Variants in DOP1B observed in about 807,000 individuals in gnomAD.
DOP1B encodes the protein DOP1 leucine zipper like protein B, also known as protein DOP1B.
DOP1B carries 174 observed loss-of-function variants against 233.5 expected under a neutral mutation model. The ratio of observed to expected loss-of-function variants is 0.75; its 90% CI spans 0.66 to 0.85. DOP1B has a LOEUF of 0.85. Among genes scored for constraint, DOP1B ranks in the 40% least tolerant of loss-of-function variants. The pLI is 0.00. For missense variants in DOP1B, 2,652 were observed against 2,846.6 expected, an observed-to-expected ratio of 0.93 and a Z score of 1.56; for synonymous variants, 1,190 against 1,185.6, an observed-to-expected ratio of 1.00 and a Z score of -0.08.
In DOP1B at chr21:36,292,189, C is replaced by A; in HGVS notation, c.6601C>A (p.Pro2201Thr). The A allele has an allele frequency of 6.2e-7, 1 of 1,611,966 alleles. No individual in the cohort carries two copies. The highest frequency in any genetic ancestry group is 8.5e-7 in the Non-Finnish European group (1 of 1,179,226). Residue 2201 changes from proline (P) to threonine (T), a missense_variant, in exon 36 of 37, where the codon CCC becomes ACC. Coordinates refer to ENST00000691173, the MANE Select transcript of DOP1B (RefSeq NM_001320714.2). Reference protein sequence around the residue: ...DVEENHQECKPHTVRILELLK... With the variant: ...DVEENHQECKTHTVRILELLK... ...AGAGGAGAATCACCAAGAATGCAAA[C>A]CCCACACTGTCAGGATTCTAGAACT...
chr21:36,177,469 C>A (rs1323875839), intron 2 of DOP1B, among the ~76,000 whole-genome samples: 4 of 152,098 alleles, frequency 2.6e-5, no homozygotes, highest in African/African-American at 9.7e-5. Flanking sequence ...TGGAGGTAGT[C>A]CAGATTTAGA....
chr21:36,268,009 C>CT (rs1195715974), intron 26 of DOP1B, among the ~76,000 whole-genome samples: 2 of 152,240 alleles, frequency 1.3e-5, no homozygotes, highest in Middle Eastern at 3.4e-3. Context: ...TGATAAGGGT[C>CT]TATGTTCAGC....
intron 27 of DOP1B, 60 bp from the exon 28 acceptor site, chr21:36,276,961 G>A: frequency 2.6e-6 from 4 of 1,559,682 alleles, no homozygotes; most frequent in Non-Finnish European, 3.5e-6. Context: ...GGCTTTTGGG[G>A]ACAGTAAATG....
chr21:36,189,193 A>G (rs1049682419), intron 2 of DOP1B, among the ~76,000 whole-genome samples: 3 of 152,162 alleles, frequency 2.0e-5, no homozygotes, highest in Non-Finnish European at 4.4e-5. Flanking sequence ...CCTGATTTCT[A>G]TTAAGCTTGG....
At chr21:36,198,019 C>CAAAAA in intron 2 of DOP1B, among the ~76,000 whole-genome samples, 1 of 108,422 alleles carries the variant, frequency 9.2e-6, no homozygotes, top group South Asian at 3.1e-4. Flanking sequence ...GACTCCGTCT[C>CAAAAA]AAAAAAAAAA....
Position 36,230,461 on chromosome 21 carries a change from A to G in DOP1B, c.1677A>G (p.Lys559=). ...ESTSGTSSPV[K]GENGKIILET... ...TTTATTTTTTACAGAGTCCAGTAAA[A>G]GGTGAAAACGGCAAAATAATTTTGG... Residue 559 remains lysine (K), a synonymous_variant, in exon 14 of 37, where the codon AAA becomes AAG. Transcript: ENST00000691173. 6.2e-7 allele frequency: 1 copy of G among 1,607,788 alleles called. No individual in the cohort carries two copies. Among genetic ancestry groups the G allele is most frequent in the Non-Finnish European group, 8.5e-7 (1 of 1,174,770 alleles).
rs1377619992 is a variant in DOP1B at position 36,211,563 on chromosome 21, T to G, written c.692T>G (p.Leu231Trp). Residue 231 changes from leucine to tryptophan, a missense_variant, in exon 6 of 37, where the codon TTG becomes TGG. Around this residue, in one of 3 missense-constraint regions of DOP1B, gnomAD observed 2,617 missense variants for 2,794.3 expected, o/e 0.94. Coordinates refer to ENST00000691173, the MANE Select transcript of DOP1B (RefSeq NM_001320714.2). ...GTNHQLTVKS[L>W]RASLLDSNVL... ...TTTGATCGTTTACAGGTGAAGTCTT[T>G]GCGTGCCTCCCTGTTGGACTCAAAT... The G allele has an allele frequency of 6.2e-7, 1 of 1,614,108 alleles. No homozygotes were observed. Among genetic ancestry groups the G allele is most frequent in the Non-Finnish European group, 8.5e-7 (1 of 1,180,040 alleles).
At chr21:36,175,549 A>G (rs995795146) in intron 2 of DOP1B, among the ~76,000 whole-genome samples, 1 of 150,786 alleles carries the variant, frequency 6.6e-6, no homozygotes, top group South Asian at 2.2e-4. Flanking sequence ...CCCTTGGCCT[A>G]TGGGAGGCCA....
chr21:36,181,575 G>T (rs565235972), intron 2 of DOP1B, among the ~76,000 whole-genome samples: 1 of 152,238 alleles, frequency 6.6e-6, no homozygotes, highest in South Asian at 2.1e-4. Context: ...CACCACGCCC[G>T]GCCCAGGACT....
chr21:36,234,832 C>T (rs1027022875), intron 15 of DOP1B, among the ~76,000 whole-genome samples: 3 of 151,548 alleles, frequency 2.0e-5, no homozygotes, highest in Non-Finnish European at 4.4e-5. Flanking sequence ...CCACCGCACC[C>T]GGCCAAGAGC....
intron 18 of DOP1B, among the ~76,000 whole-genome samples, chr21:36,240,793 T>C (rs2066884307): frequency 6.6e-6 from 1 of 152,258 alleles, no homozygotes; most frequent in Non-Finnish European, 1.5e-5. Context: ...ACAATAGCTG[T>C]ATTTAATGAC....
chr21:36,211,775 G>T, intron 6 of DOP1B, 124 bp downstream of exon 6: 1 of 1,303,678 alleles, frequency 7.7e-7, no homozygotes, highest in Non-Finnish European at 1.1e-6. Context: ...CTGGTAGCCA[G>T]TGAAAAGTCC....
At chr21:36,231,679 G>GT (rs1224600446) in intron 14 of DOP1B, among the ~76,000 whole-genome samples, 6,303 of 131,824 alleles carry the variant, frequency 0.048, 197 homozygotes, top group African/African-American at 0.076. Context: ...GGGTTTTTTT[G>GT]TTTTTTTTTT....
chr21:36,286,277 A>G (rs1389594235), intron 32 of DOP1B, among the ~76,000 whole-genome samples: 1 of 152,120 alleles, frequency 6.6e-6, no homozygotes, highest in Non-Finnish European at 1.5e-5. Flanking sequence ...ACTGTCGTTA[A>G]TAACACTGCA....
chr21:36,166,984 G>C (rs2065917187), intron 2 of DOP1B, among the ~76,000 whole-genome samples: 1 of 152,156 alleles, frequency 6.6e-6, no homozygotes, highest in South Asian at 2.1e-4. Flanking sequence ...CAAATTCTTT[G>C]GTTTTACAGC....
chr21:36,292,183 T>C lies in DOP1B; in HGVS notation c.6595T>C (p.Cys2199Arg). The C allele has an allele frequency of 8.1e-6, 13 of 1,612,622 alleles. No homozygotes were observed. Among genetic ancestry groups the C allele is most frequent in the Non-Finnish European group, 1.0e-5 (12 of 1,179,414 alleles). ...LSDVEENHQE[C>R]KPHTVRILEL... ...GGATGTAGAGGAGAATCACCAAGAA[T>C]GCAAACCCCACACTGTCAGGATTCT... The change falls in exon 36 of 37, where the codon TGC (cysteine) becomes CGC (arginine). Residue 2199 changes from cysteine to arginine, a missense_variant. Cys to Arg is a radical substitution (Grantham distance 180, BLOSUM62 -3). Transcript: ENST00000691173.
chr21:36,224,429 C>G (rs2066659220), intron 11 of DOP1B, among the ~76,000 whole-genome samples: 1 of 152,072 alleles, frequency 6.6e-6, no homozygotes, highest in Non-Finnish European at 1.5e-5. Flanking sequence ...ATCCACCCGC[C>G]TTGGCCTCCC....
chr21:36,201,345 C>CTTTTTTTTTTTTTTTT lies in DOP1B; in HGVS notation c.491+849_491+864dup, dbSNP rs1172730528. On this transcript the variant is annotated intron_variant, in intron 4 of 36. Transcript: ENST00000691173. Reference sequence around the variant, plus strand: ...TCTATTCCACTGTATCTATTGGATTCTTTTTTTTTTTTTTTTTTTTGAGAC... The same window carrying CTTTTTTTTTTTTTTTT: ...TCTATTCCACTGTATCTATTGGATTCTTTTTTTTTTTTTTTTTTTTTTTTTTTTTTTTTTTTGAGAC... Among the ~76,000 whole-genome samples the CTTTTTTTTTTTTTTTT allele has an allele frequency of 3.4e-4, 28 of 83,262 alleles. 6 individuals are homozygous for CTTTTTTTTTTTTTTTT. The highest frequency in any genetic ancestry group is 4.5e-4 in the African/African-American group (9 of 19,866). 54.6% of individuals were successfully genotyped at this position (83,262 alleles called of 152,430 possible). A position where few individuals can be genotyped will look rare whatever the true frequency, so the allele number is the denominator to read the frequency against.
At chr21:36,222,080 C>T (rs2066630372) in intron 10 of DOP1B, among the ~76,000 whole-genome samples, 1 of 151,994 alleles carries the variant, frequency 6.6e-6, no homozygotes, top group Non-Finnish European at 1.5e-5. Flanking sequence ...CCATGTTTGC[C>T]AGGCTGGTCT....
Sources: allele counts gnomAD v4.1 joint callset (sites outside exome capture counted in the v4.1 genomes callset), GRCh38; gene constraint gnomAD v4.1.1; regional missense constraint gnomAD v4.1.1; transcripts MANE v1.5; gene names NCBI Gene and HGNC (gene_info 2026-07-23, HGNC 2026-07-21).